Variants in ENTREP2 observed in about 807,000 individuals in gnomAD.
The protein encoded by ENTREP2 is endosomal transmembrane epsin interactor 2.
the ENTREP2 span, chr15:29,269,349 G>A: frequency 3.1e-6 from 5 of 1,614,192 alleles, 1 homozygote; most frequent in Non-Finnish European, 2.5e-6. Context: ...AGATGTCCTT[G>A]TAGTCCCCGA....
At chr15:29,351,667 G>A in the ENTREP2 span, among the ~76,000 whole-genome samples, 1 of 152,042 alleles carries the variant, frequency 6.6e-6, no homozygotes, top group Non-Finnish European at 1.5e-5. Context: ...TTTTGAGACA[G>A]GGTCTCACTC....
At chr15:29,669,574 G>A in the ENTREP2 span, among the ~76,000 whole-genome samples, 1 of 152,178 alleles carries the variant, frequency 6.6e-6, no homozygotes, top group Non-Finnish European at 1.5e-5. Flanking sequence ...AAAATGGACA[G>A]AGAGAGTTCT....
chr15:29,198,440 T>C, the ENTREP2 span, among the ~76,000 whole-genome samples: 1 of 152,312 alleles, frequency 6.6e-6, no homozygotes, highest in African/African-American at 2.4e-5. Flanking sequence ...ACCAATAGGG[T>C]GTGAATTCAG....
the ENTREP2 span, among the ~76,000 whole-genome samples, chr15:29,337,072 G>A: frequency 6.6e-6 from 1 of 152,198 alleles, no homozygotes; most frequent in Non-Finnish European, 1.5e-5. Flanking sequence ...TTACCTTGGT[G>A]TTAGGAGAGA....
chr15:29,567,934 G>T, the ENTREP2 span, among the ~76,000 whole-genome samples: 37 of 152,216 alleles, frequency 2.4e-4, no homozygotes, highest in Non-Finnish European at 3.4e-4. Context: ...CCACAGTATG[G>T]ATTTCTTTAT....
the ENTREP2 span, among the ~76,000 whole-genome samples, chr15:29,140,382 T>C: frequency 6.6e-6 from 1 of 152,208 alleles, no homozygotes; most frequent in Admixed American, 6.5e-5. Context: ...TTCTAACCTG[T>C]GTGCCTCTCT....
At chr15:29,611,918 C>G in the ENTREP2 span, among the ~76,000 whole-genome samples, 1 of 152,322 alleles carries the variant, frequency 6.6e-6, no homozygotes, top group African/African-American at 2.4e-5. Flanking sequence ...TGTCTGCCTT[C>G]GCTGCACCTC....
At chr15:29,131,757 G>A in the ENTREP2 span, among the ~76,000 whole-genome samples, 2 of 137,756 alleles carry the variant, frequency 1.5e-5, no homozygotes, top group East Asian at 2.2e-4. Flanking sequence ...CACGACAGGG[G>A]GATTCTGTCC....
chr15:29,291,509 G>C, the ENTREP2 span, among the ~76,000 whole-genome samples: 1 of 152,136 alleles, frequency 6.6e-6, no homozygotes, highest in Non-Finnish European at 1.5e-5. Context: ...GAGACATCTG[G>C]TGACTCTAAT....
chr15:29,220,206 T>A, the ENTREP2 span, among the ~76,000 whole-genome samples: 1 of 152,120 alleles, frequency 6.6e-6, no homozygotes, highest in Non-Finnish European at 1.5e-5. Flanking sequence ...CTGGCTCCAG[T>A]GCCCAGCCTA....
the ENTREP2 span, among the ~76,000 whole-genome samples, chr15:29,593,367 C>G: frequency 2.0e-5 from 3 of 152,188 alleles, no homozygotes; most frequent in Non-Finnish European, 2.9e-5. Context: ...CTGATAGCTT[C>G]TCCACTCAAG....
the ENTREP2 span, among the ~76,000 whole-genome samples, chr15:29,544,434 G>C: frequency 6.6e-6 from 1 of 151,750 alleles, no homozygotes; most frequent in Non-Finnish European, 1.5e-5. Flanking sequence ...TGGCTGCACA[G>C]CCATGTGAAT....
chr15:29,657,490 G>C, the ENTREP2 span, among the ~76,000 whole-genome samples: 5 of 136,162 alleles, frequency 3.7e-5, 1 homozygote, highest in African/African-American at 1.1e-4. Context: ...GGGCGGGGGG[G>C]GGGGGTGGCC....
chr15:29,363,669 C>T, the ENTREP2 span, among the ~76,000 whole-genome samples: 2 of 152,316 alleles, frequency 1.3e-5, no homozygotes, highest in African/African-American at 4.8e-5. Flanking sequence ...ACATTAAATA[C>T]TGCAGTGGAG....
At chr15:29,289,198 C>A in the ENTREP2 span, among the ~76,000 whole-genome samples, 1 of 149,816 alleles carries the variant, frequency 6.7e-6, no homozygotes, top group Admixed American at 6.7e-5. Context: ...CAGAGGGAGA[C>A]CCTGTCTCAA....
chr15:29,423,795 C>CAA, the ENTREP2 span, among the ~76,000 whole-genome samples: 15 of 150,554 alleles, frequency 1.0e-4, 1 homozygote, highest in East Asian at 2.2e-3. Context: ...GACTCCGTCT[C>CAA]AAAAAAAAAA....
At chr15:29,306,016 G>C in the ENTREP2 span, among the ~76,000 whole-genome samples, 1 of 152,248 alleles carries the variant, frequency 6.6e-6, no homozygotes, top group Non-Finnish European at 1.5e-5. Context: ...TGGAGCATGT[G>C]TTTCAAATGT....
the ENTREP2 span, among the ~76,000 whole-genome samples, chr15:29,641,540 T>C: frequency 6.6e-6 from 1 of 151,794 alleles, no homozygotes; most frequent in African/African-American, 2.4e-5. Flanking sequence ...AAAATGAAAG[T>C]AGAAAAACAG....
chr15:29,158,098 A>C, the ENTREP2 span, among the ~76,000 whole-genome samples: 42 of 152,234 alleles, frequency 2.8e-4, no homozygotes, highest in African/African-American at 9.4e-4. Flanking sequence ...TTTCAACTTT[A>C]TTGACCACAT....
Sources: gnomAD v4.1 joint callset for allele counts (sites outside exome capture counted in the v4.1 genomes callset) on GRCh38, gnomAD v4.1.1 for gene constraint, MANE v1.5 for transcripts, NCBI Gene and HGNC (gene_info 2026-07-23, HGNC 2026-07-21) for gene names.